The following LOC400499 variants were observed in gnomAD, a reference collection of about 807,000 sequenced individuals.
At chr16:11,412,893 C>T in the LOC400499 span, 3 of 398,974 alleles carry the variant, frequency 7.5e-6, no homozygotes, top group Non-Finnish European at 1.3e-5. Context: ...GCCTGAGAAT[C>T]GCAGGTCAGC....
At chr16:11,393,058 G>T in the LOC400499 span, among the ~76,000 whole-genome samples, 7 of 151,944 alleles carry the variant, frequency 4.6e-5, no homozygotes, top group African/African-American at 1.7e-4. Context: ...GTTTCACCGT[G>T]TTAGCCAGGA....
At chr16:11,458,019 T>G in the LOC400499 span, among the ~76,000 whole-genome samples, 5 of 152,000 alleles carry the variant, frequency 3.3e-5, no homozygotes, top group East Asian at 1.9e-4. Flanking sequence ...CTGGCCAACA[T>G]GGTAAAACCC....
the LOC400499 span, among the ~76,000 whole-genome samples, chr16:11,415,637 G>T: frequency 6.6e-6 from 1 of 152,224 alleles, no homozygotes; most frequent in Non-Finnish European, 1.5e-5. Context: ...ACACCTGGGA[G>T]CACCCGGCTG....
the LOC400499 span, chr16:11,407,269 G>A: frequency 1.0e-5 from 4 of 398,532 alleles, no homozygotes; most frequent in Non-Finnish European, 1.8e-5. Flanking sequence ...GCCGGGTGCT[G>A]ATGTGAAAAT....
the LOC400499 span, among the ~76,000 whole-genome samples, chr16:11,410,853 C>T: frequency 6.6e-6 from 1 of 152,240 alleles, no homozygotes; most frequent in African/African-American, 2.4e-5. Flanking sequence ...CTCCTGTGCA[C>T]TCCTACGACC....
At chr16:11,506,905 G>A in the LOC400499 span, among the ~76,000 whole-genome samples, 4 of 152,190 alleles carry the variant, frequency 2.6e-5, no homozygotes, top group Admixed American at 2.6e-4. Flanking sequence ...GGTGTGCACC[G>A]ATGTGTCCCT....
the LOC400499 span, among the ~76,000 whole-genome samples, chr16:11,493,057 A>C: frequency 6.6e-6 from 1 of 152,146 alleles, no homozygotes; most frequent in Non-Finnish European, 1.5e-5. Context: ...CAGAAAGGGC[A>C]ATGTGCTGGG....
chr16:11,472,665 T>C, the LOC400499 span: 1 of 152,200 alleles, frequency 6.6e-6, no homozygotes, highest in African/African-American at 2.4e-5. Context: ...TTATTGTTAC[T>C]ACTCCCCAGA....
chr16:11,423,815 G>T, the LOC400499 span, among the ~76,000 whole-genome samples: 1 of 152,180 alleles, frequency 6.6e-6, no homozygotes, highest in East Asian at 1.9e-4. Context: ...TACCAGACAG[G>T]GCCTGGTGCA....
chr16:11,418,263 A>G, the LOC400499 span, among the ~76,000 whole-genome samples: 33 of 152,122 alleles, frequency 2.2e-4, no homozygotes, highest in African/African-American at 7.2e-4. Flanking sequence ...CATCTTGAAT[A>G]GACACTGGGT....
At chr16:11,393,154 ACC>A in the LOC400499 span, among the ~76,000 whole-genome samples, 10,717 of 129,398 alleles carry the variant, frequency 0.083, 585 homozygotes, top group Non-Finnish European at 0.12. Flanking sequence ...ACGCCTGGCC[ACC>A]CCCCCCCCTT....
At chr16:11,469,370 C>A in the LOC400499 span, 110,654 of 398,738 alleles carry the variant, frequency 0.28, 16,018 homozygotes, top group Admixed American at 0.44. Flanking sequence ...AGATGTAGCA[C>A]CTGTAAAATG....
At chr16:11,414,685 G>C in the LOC400499 span, 1 of 397,088 alleles carries the variant, frequency 2.5e-6, no homozygotes, top group Non-Finnish European at 4.4e-6. Flanking sequence ...TTGAGCCTCC[G>C]TGACATCATC....
chr16:11,413,755 T>G, the LOC400499 span, among the ~76,000 whole-genome samples: 1 of 152,170 alleles, frequency 6.6e-6, no homozygotes, highest in Admixed American at 6.5e-5. Context: ...TCACAGCAGG[T>G]GCTTAAGGAT....
At chr16:11,495,235 A>G in the LOC400499 span, among the ~76,000 whole-genome samples, 1 of 151,796 alleles carries the variant, frequency 6.6e-6, no homozygotes, top group Non-Finnish European at 1.5e-5. Context: ...AAAGAAAACA[A>G]AACAAAAAAG....
the LOC400499 span, among the ~76,000 whole-genome samples, chr16:11,386,541 C>T: frequency 6.6e-6 from 1 of 152,344 alleles, no homozygotes; most frequent in African/African-American, 2.4e-5. Flanking sequence ...GCCTGGGTAC[C>T]GGGGTTCCCC....
chr16:11,506,460 G>A, the LOC400499 span, among the ~76,000 whole-genome samples: 11 of 152,268 alleles, frequency 7.2e-5, no homozygotes, highest in African/African-American at 1.9e-4. Flanking sequence ...AGTGTAAACC[G>A]TCCTTAATAA....
chr16:11,456,961 C>T, the LOC400499 span: 3 of 1,536,104 alleles, frequency 2.0e-6, no homozygotes, highest in Non-Finnish European at 2.6e-6. Flanking sequence ...CTGCTGCTCT[C>T]CACATAGGGC....
chr16:11,397,796 A>AT, the LOC400499 span, among the ~76,000 whole-genome samples: 2,956 of 91,192 alleles, frequency 0.032, 138 homozygotes, highest in Middle Eastern at 0.09. Context: ...GGAGGGAGGG[A>AT]GGGATGGACG....
Sources: gnomAD v4.1 joint callset for allele counts (sites outside exome capture counted in the v4.1 genomes callset) on GRCh38, gnomAD v4.1.1 for gene constraint, MANE v1.5 for transcripts.